The following BICRAL variants were observed in gnomAD, a reference collection of about 807,000 sequenced individuals.
BICRAL encodes the protein BICRA like chromatin remodeling complex associated protein, also known as BRD4-interacting chromatin-remodeling complex-associated protein-like.
In BICRAL, 8 loss-of-function variants were observed where a neutral mutation model predicts 91.8. The ratio of observed to expected loss-of-function variants is 0.09; its 90% confidence interval spans 0.05 to 0.16. The LOEUF (loss-of-function observed/expected upper bound fraction) is 0.16. Among genes scored for constraint, BICRAL ranks in the 10% least tolerant of loss-of-function variants. BICRAL has a pLI of 1.00. For synonymous variants in BICRAL, 445 were observed against 491.1 expected (o/e 0.91, Z 1.24); for missense variants, 1,038 against 1,310.9 (o/e 0.79, Z 3.21).
At chr6:42,757,034 C>T (rs191261135) in intron 1 of BICRAL, among the ~76,000 whole-genome samples, 2 of 150,848 alleles carry the variant, frequency 1.3e-5, no homozygotes, top group Admixed American at 1.3e-4. Flanking sequence ...GCAGATGCCA[C>T]CAGGCCTCCT....
At chr6:42,853,064 C>CAAAA (rs35328845) in intron 7 of BICRAL, among the ~76,000 whole-genome samples, 1 of 97,710 alleles carries the variant, frequency 1.0e-5, no homozygotes, top group Non-Finnish European at 2.0e-5. Flanking sequence ...GACCTTGTCT[C>CAAAA]AAAAAAAAAA....
rs887169397 is a variant in BICRAL at position 42,760,317 on chromosome 6, G to A, written c.-261+13294G>A. On this transcript the variant is annotated intron_variant, in intron 1 of 14. Transcript: ENST00000614467. ...GCGGATCACCTGAGGTCAGGAGTTCGAGACCAGCCTGACCAACATGAAGAA... is the reference window on the plus strand; with the variant it reads ...GCGGATCACCTGAGGTCAGGAGTTCAAGACCAGCCTGACCAACATGAAGAA... 6.7e-5 allele frequency among the ~76,000 whole-genome samples: 10 copies of A among 149,824 alleles called. No individual in the cohort carries two copies. In the South Asian group the frequency reaches 1.7e-3, roughly 25 times the overall value.
intron 2 of BICRAL, 86 bp from the exon 3 acceptor site, chr6:42,821,932 T>A: frequency 1.3e-6 from 1 of 753,130 alleles, no homozygotes. Flanking sequence ...TCCAGAAAAG[T>A]GTAAGGCATA....
rs200660697 is a variant in BICRAL, at chr6:42,862,517, A to G, written c.2357A>G (p.Asn786Ser). The G allele has an allele frequency of 1.3e-5, 21 of 1,601,662 alleles. No homozygotes were observed. In the African/African-American group the frequency reaches 1.5e-4, roughly 11 times the overall value. Reference sequence around the variant, plus strand: ...GGCCTCTCTCTTTTTCAGCGAATCAATCCCTCTGCTGAGATGGTGATGATC... The same window carrying G: ...GGCCTCTCTCTTTTTCAGCGAATCAGTCCCTCTGCTGAGATGGTGATGATC... ...CLLLEDAMRI[N>S]PSAEMVMIDR... The change falls in exon 12 of 13, where the codon AAT becomes AGT. Residue 786 changes from asparagine to serine, a missense_variant. By Grantham distance (46) the Asn-to-Ser change is conservative. Around this residue, in one of 5 missense-constraint regions of BICRAL, gnomAD observed 294 missense variants for 292.6 expected, o/e 1.00. Coordinates refer to ENST00000314073, the MANE Select transcript of BICRAL (RefSeq NM_001393499.1).
At chr6:42,768,969 ACT>A (rs1336148614) in intron 1 of BICRAL, among the ~76,000 whole-genome samples, 6 of 152,136 alleles carry the variant, frequency 3.9e-5, no homozygotes, top group Non-Finnish European at 7.4e-5. Flanking sequence ...AGAATGGGTA[ACT>A]CTAATATATT....
chr6:42,857,460 C>T (rs2114030938), intron 10 of BICRAL, among the ~76,000 whole-genome samples: 1 of 151,840 alleles, frequency 6.6e-6, no homozygotes, highest in South Asian at 2.1e-4. Context: ...TAGGGGCACA[C>T]ACCTGTAGTC....
intron 1 of BICRAL, among the ~76,000 whole-genome samples, chr6:42,759,000 AC>A (rs1381725566): frequency 6.6e-6 from 1 of 152,160 alleles, no homozygotes; most frequent in African/African-American, 2.4e-5. Flanking sequence ...AATGTTCTCA[AC>A]CCTAGCTGCT....
intron 1 of BICRAL, among the ~76,000 whole-genome samples, chr6:42,783,834 C>T (rs1031407907): frequency 4.6e-5 from 7 of 152,316 alleles, no homozygotes; most frequent in African/African-American, 1.7e-4. Context: ...GGAGGTGAGG[C>T]GCTCCTGCCA....
chr6:42,847,349 C>T (rs956818486), intron 6 of BICRAL, among the ~76,000 whole-genome samples: 2 of 152,114 alleles, frequency 1.3e-5, no homozygotes, highest in African/African-American at 4.8e-5. Context: ...AGAAAGATCC[C>T]CTCTATTCCT....
At chr6:42,809,267 C>T (rs1312028149) in intron 1 of BICRAL, among the ~76,000 whole-genome samples, 1 of 151,838 alleles carries the variant, frequency 6.6e-6, no homozygotes, top group African/African-American at 2.4e-5. Flanking sequence ...AGGATATGAA[C>T]TCATTCTTTT....
rs760896041 is a variant in BICRAL at position 42,828,907 on chromosome 6, G to C, written c.574G>C (p.Val192Leu). Residue 192 changes from valine (V) to leucine (L), a missense_variant, in exon 6 of 13, where the codon GTG becomes CTG. Physicochemically the swap from Val to Leu is conservative, Grantham distance 32. This residue lies in a region of BICRAL where 532 missense variants were observed against 724.9 expected (regional missense o/e 0.73). Transcript: ENST00000314073. ...VGVQHGFMQHVGISVPSQHLS... is the reference protein window; with the variant it reads ...VGVQHGFMQHLGISVPSQHLS... ...TGTACAACATGGCTTTATGCAACAT[G>C]TGGGGATCAGTGTTCCCAGCCAGCA... 1 of 1,614,162 alleles carries C rather than the reference G, an allele frequency of 6.2e-7. No individual in the cohort carries two copies. Among genetic ancestry groups the C allele is most frequent in the South Asian group, 1.1e-5 (1 of 91,088 alleles).
At chr6:42,818,376 T>G (rs561286653) in intron 2 of BICRAL, among the ~76,000 whole-genome samples, 1 of 152,310 alleles carries the variant, frequency 6.6e-6, no homozygotes, top group East Asian at 1.9e-4. Flanking sequence ...TCCTTATTTA[T>G]AAGAGCTCTT....
rs559114212 is a variant in BICRAL, at chr6:42,772,650, A to G, written c.-260-9189A>G. Among the ~76,000 whole-genome samples the G allele has an allele frequency of 9.8e-5, 15 of 152,296 alleles. No individual in the cohort carries two copies. In the South Asian group the frequency reaches 2.1e-3, roughly 21 times the overall value. The stretch of plus-strand genomic sequence containing the variant: ...TTGGGTTTGGGAATCTGTACTTGCA[A>G]TAAACATCCCTGGGCAGTGAGGCAG... On this transcript the variant is annotated intron_variant, in intron 1 of 14. Coordinates refer to the BICRAL transcript ENST00000614467.
chr6:42,755,393 A>C (rs567563487), intron 1 of BICRAL, among the ~76,000 whole-genome samples: 5 of 151,786 alleles, frequency 3.3e-5, no homozygotes, highest in Admixed American at 2.0e-4. Context: ...TCTGGGCTTG[A>C]CTCCTGCAGC....
chr6:42,781,133 T>G (rs1404880222), upstream of BICRAL, among the ~76,000 whole-genome samples: 13 of 152,014 alleles, frequency 8.6e-5, no homozygotes, highest in Non-Finnish European at 1.9e-4. Flanking sequence ...TAGTTATACT[T>G]GGACCAAAGA....
At chr6:42,781,775 T>A (rs967257693), upstream of BICRAL, 1 of 147,446 alleles carries the variant, frequency 6.8e-6, no homozygotes, top group Non-Finnish European at 1.5e-5. Flanking sequence ...CAGCTTGATT[T>A]TCCAAAAAAA....
At chr6:42,794,393 G>A (rs951887235) in intron 1 of BICRAL, among the ~76,000 whole-genome samples, 34 of 150,712 alleles carry the variant, frequency 2.3e-4, no homozygotes, top group African/African-American at 7.1e-4. Flanking sequence ...ACTTAATGCC[G>A]GACAAAATTC....
intron 11 of BICRAL, among the ~76,000 whole-genome samples, chr6:42,861,126 C>T (rs993459508): frequency 1.3e-5 from 2 of 151,890 alleles, no homozygotes. Flanking sequence ...AACTCTGTCT[C>T]AATAAAATAA....
chr6:42,852,377 T>C (rs1041209376), intron 7 of BICRAL, 180 bp downstream of exon 7: 10 of 692,984 alleles, frequency 1.4e-5, no homozygotes, highest in African/African-American at 1.4e-4. Context: ...TAAGATAGCA[T>C]TGGGCCGGGC....
Sources: allele counts gnomAD v4.1 joint callset (sites outside exome capture counted in the v4.1 genomes callset), GRCh38; gene constraint gnomAD v4.1.1; regional missense constraint gnomAD v4.1.1; transcripts MANE v1.5; gene names NCBI Gene and HGNC (gene_info 2026-07-23, HGNC 2026-07-21).